SSBP3: variants seen among roughly 807,000 people sequenced by gnomAD.
SSBP3 encodes the protein single-stranded DNA-binding protein 3.
A neutral mutation model predicts 69.6 loss-of-function variants in SSBP3; 5 were observed. The ratio of observed to expected loss-of-function variants is 0.07; its 90% confidence interval spans 0.04 to 0.15. The LOEUF is 0.15. SSBP3 is among the 10% of genes least tolerant of loss of function. The pLI, the probability that SSBP3 is intolerant of heterozygous loss-of-function variation, is 1.00. For synonymous variants in SSBP3, 196 were observed against 193.4 expected, an observed-to-expected ratio of 1.01 and a Z score of -0.11; for missense variants, 312 against 534.0, an observed-to-expected ratio of 0.58 and a Z score of 4.10.
intron 4 of SSBP3, among the ~76,000 whole-genome samples, chr1:54,282,895 G>A (rs536174853): frequency 2.6e-5 from 4 of 152,316 alleles, no homozygotes; most frequent in Non-Finnish European, 4.4e-5. Context: ...GAAACAGAAC[G>A]CCTTTTTTCC....
At chr1:54,390,699 CCT>C (rs138604030) in intron 4 of SSBP3, among the ~76,000 whole-genome samples, 41 of 152,200 alleles carry the variant, frequency 2.7e-4, no homozygotes, top group Non-Finnish European at 5.6e-4. Flanking sequence ...GCTGAAATTC[CCT>C]GTCATGCTGT....
intron 4 of SSBP3, among the ~76,000 whole-genome samples, chr1:54,366,860 C>G (rs796617484): frequency 2.0e-5 from 3 of 152,224 alleles, no homozygotes; most frequent in African/African-American, 7.2e-5. Flanking sequence ...CTTCCTGGAC[C>G]GAAAGCTTGG....
intron 4 of SSBP3, 47 bp from the exon 5 acceptor site, chr1:54,281,574 G>A (rs1244796222): frequency 2.0e-6 from 3 of 1,511,802 alleles, no homozygotes; most frequent in Admixed American, 3.9e-5. Flanking sequence ...CCCACAACCA[G>A]AGACACAGAG....
intron 14 of SSBP3, among the ~76,000 whole-genome samples, chr1:54,231,541 C>T (rs112117509): frequency 6.6e-6 from 1 of 151,980 alleles, no homozygotes; most frequent in East Asian, 1.9e-4. Context: ...AGTTTGTCTA[C>T]TTTTTTCTTT....
At chr1:54,305,098 G>A (rs56122461) in intron 4 of SSBP3, among the ~76,000 whole-genome samples, 117 of 152,334 alleles carry the variant, frequency 7.7e-4, no homozygotes, top group Non-Finnish European at 1.3e-3. Flanking sequence ...GAGGCGTGGC[G>A]TGGGAGGCCA....
intron 5 of SSBP3, among the ~76,000 whole-genome samples, chr1:54,261,402 G>A (rs866154581): frequency 6.6e-6 from 1 of 152,182 alleles, no homozygotes; most frequent in Non-Finnish European, 1.5e-5. Flanking sequence ...TTACCCACTC[G>A]GGCAAAAGGC....
intron 4 of SSBP3, among the ~76,000 whole-genome samples, chr1:54,377,373 T>TATAA: frequency 6.6e-6 from 1 of 152,252 alleles, no homozygotes; most frequent in Non-Finnish European, 1.5e-5. Flanking sequence ...GAGTGCTGAG[T>TATAA]GTATACAGGC....
chr1:54,313,386 C>T (rs1198202878), intron 4 of SSBP3, among the ~76,000 whole-genome samples: 1 of 150,428 alleles, frequency 6.6e-6, no homozygotes, highest in Admixed American at 6.6e-5. Context: ...GGCTTCCCTG[C>T]TCCTCAGCCA....
At chr1:54,370,904 C>T (rs1569965818) in intron 4 of SSBP3, among the ~76,000 whole-genome samples, 1 of 151,926 alleles carries the variant, frequency 6.6e-6, no homozygotes, top group Admixed American at 6.6e-5. Flanking sequence ...ATCAAGGGAT[C>T]CCAGTGTCTT....
At chr1:54,292,759 G>A (rs905720853) in intron 4 of SSBP3, among the ~76,000 whole-genome samples, 7 of 152,190 alleles carry the variant, frequency 4.6e-5, no homozygotes, top group East Asian at 1.9e-4. Context: ...CATGAATTCC[G>A]TGTGTGTGTA....
chr1:54,370,875 G>C (rs1363361500), intron 4 of SSBP3, among the ~76,000 whole-genome samples: 1 of 151,924 alleles, frequency 6.6e-6, no homozygotes, highest in Non-Finnish European at 1.5e-5. Context: ...ACTTGGGAAC[G>C]GTTCCCCCGT....
intron 4 of SSBP3, among the ~76,000 whole-genome samples, chr1:54,351,556 T>C (rs1352525350): frequency 6.6e-6 from 1 of 152,204 alleles, no homozygotes; most frequent in Non-Finnish European, 1.5e-5. Context: ...AGGCCACAAA[T>C]GCTAAAAGTC....
chr1:54,312,698 C>T (rs1047755481), intron 4 of SSBP3, among the ~76,000 whole-genome samples: 2 of 152,188 alleles, frequency 1.3e-5, no homozygotes, highest in Non-Finnish European at 2.9e-5. Flanking sequence ...ATTCTGATGT[C>T]ACAAGTCCTG....
chr1:54,306,783 C>T (rs1039740444), intron 4 of SSBP3, among the ~76,000 whole-genome samples: 7 of 151,914 alleles, frequency 4.6e-5, no homozygotes, highest in Non-Finnish European at 2.9e-5. Context: ...GGCAACATAG[C>T]GAGACCTGAT....
intron 10 of SSBP3, 187 bp downstream of exon 10, chr1:54,243,048 C>T: frequency 3.1e-6 from 2 of 637,916 alleles, no homozygotes; most frequent in East Asian, 5.2e-5. Flanking sequence ...GTGCCCGGCA[C>T]ACAGAGGCAC....
In SSBP3 at chr1:54,243,139, C is replaced by A. The variant is rs142713448; in HGVS notation, c.716+96G>T. ...AGGAGACTGAGGTCCAGAGAGGTAC[C>A]AGCAATGACCCCTTATCATGAGTCT... is the stretch of plus-strand genomic sequence containing the variant. On this transcript the variant is annotated intron_variant, in intron 10 of 17. Coordinates refer to ENST00000610401, the Ensembl canonical transcript of SSBP3. 8.2e-4 allele frequency: 896 copies of A among 1,092,974 alleles called. 10 individuals are homozygous for A. The East Asian group carries it at 0.014, about 17-fold the overall frequency. 67.7% of individuals were successfully genotyped at this position (1,092,974 alleles called of 1,614,324 possible).
At chr1:54,225,840 A>G (rs1644276861) in exon 18 of SSBP3, 1 of 152,982 alleles carries the variant, frequency 6.5e-6, no homozygotes, top group Non-Finnish European at 1.5e-5. Flanking sequence ...TTGAAAGTAA[A>G]AACAGGACTG....
chr1:54,265,960 C>G (rs990036020), intron 5 of SSBP3, among the ~76,000 whole-genome samples: 3 of 152,264 alleles, frequency 2.0e-5, no homozygotes, highest in Admixed American at 6.5e-5. Context: ...AGTGAAGGCT[C>G]TGCTCACCAG....
chr1:54,346,849 C>A (rs572974767), intron 4 of SSBP3, among the ~76,000 whole-genome samples: 84 of 152,122 alleles, frequency 5.5e-4, no homozygotes, highest in Middle Eastern at 3.4e-3. Flanking sequence ...ATACAGTCTC[C>A]TATGGCAGCC....
Sources: gnomAD v4.1 joint callset for allele counts (sites outside exome capture counted in the v4.1 genomes callset) on GRCh38, gnomAD v4.1.1 for gene constraint, MANE v1.5 for transcripts, NCBI Gene and HGNC (gene_info 2026-07-23, HGNC 2026-07-21) for gene names.